Variants in KCNIP4 observed in about 807,000 individuals in gnomAD.
The protein encoded by KCNIP4 is potassium voltage-gated channel interacting protein 4.
In KCNIP4, 12 loss-of-function variants were observed where a neutral mutation model predicts 34.0. The ratio of observed to expected loss-of-function variants is 0.35; its 90% CI spans 0.23 to 0.57. The LOEUF is 0.57. KCNIP4 is among the 20% of genes least tolerant of loss of function. KCNIP4 has a pLI of 0.83. For synonymous variants in KCNIP4, 124 were observed against 102.2 expected (o/e 1.21, Z -1.29); for missense variants, 238 against 311.7 (o/e 0.76, Z 1.78).
At chr4:20,766,795 T>G (rs980099632) in intron 3 of KCNIP4, 2 of 152,180 alleles carry the variant, frequency 1.3e-5, no homozygotes, top group Non-Finnish European at 2.9e-5. Context: ...TTTTGTCAGG[T>G]ACTATTTAGA....
At chr4:20,937,792 C>G (rs1731234254) in intron 1 of KCNIP4, among the ~76,000 whole-genome samples, 1 of 152,158 alleles carries the variant, frequency 6.6e-6, no homozygotes, top group Non-Finnish European at 1.5e-5. Flanking sequence ...TTATTTACAG[C>G]CCAGCTATAA....
chr4:20,820,020 T>C (rs1159271657), intron 3 of KCNIP4, among the ~76,000 whole-genome samples: 3 of 152,240 alleles, frequency 2.0e-5, no homozygotes, highest in Non-Finnish European at 4.4e-5. Context: ...TTAACAAATA[T>C]ATAAAATTGT....
At chr4:21,412,925 CTG>C (rs1195545343) in intron 1 of KCNIP4, among the ~76,000 whole-genome samples, 2 of 152,156 alleles carry the variant, frequency 1.3e-5, no homozygotes, top group African/African-American at 2.4e-5. Context: ...TGTAGCTACT[CTG>C]TGTTTAGATA....
Position 21,155,954 on chromosome 4 carries a change from C to T in KCNIP4, c.62-273245G>A, listed in dbSNP as rs191036206. ...ACAGAACAATTCATGCTTCAACCCT[C>T]GAAAAATTGTCATTGGACACAACTT... is the stretch of plus-strand genomic sequence containing the variant. On this transcript the variant is annotated intron_variant, in intron 1 of 8. Coordinates refer to ENST00000382152, the MANE Select transcript of KCNIP4 (RefSeq NM_025221.6). Among the ~76,000 whole-genome samples the T allele has an allele frequency of 1.3e-3, 194 of 152,208 alleles. 1 individual carries two copies. Among genetic ancestry groups the T allele is most frequent in the Non-Finnish European group, 2.2e-3 (149 of 67,984 alleles).
chr4:21,831,939 A>G (rs1723013201), intron 1 of KCNIP4, among the ~76,000 whole-genome samples: 1 of 152,142 alleles, frequency 6.6e-6, no homozygotes, highest in Non-Finnish European at 1.5e-5. Context: ...ATGGCACATT[A>G]AAAAGATCAT....
At position 21,457,053 on chromosome 4, in the gene KCNIP4, A is replaced by T. The variant is rs554410590; in HGVS notation, c.61+491518T>A. ...TGCACATATCCTCTTCAGTTGTGGAAAAAAAACATATCCATTGTATCTGAC... is the reference window on the plus strand; with the variant it reads ...TGCACATATCCTCTTCAGTTGTGGATAAAAAACATATCCATTGTATCTGAC... On this transcript the variant is annotated intron_variant, in intron 1 of 8. Transcript: ENST00000382152. 2.6e-5 allele frequency among the ~76,000 whole-genome samples: 4 copies of T among 152,166 alleles called. No individual in the cohort carries two copies. In the South Asian group the frequency reaches 8.3e-4, roughly 32 times the overall value.
chr4:21,379,032 C>G (rs1467496810), intron 1 of KCNIP4, among the ~76,000 whole-genome samples: 1 of 152,156 alleles, frequency 6.6e-6, no homozygotes, highest in East Asian at 1.9e-4. Flanking sequence ...GAAATAGACA[C>G]ATATTATCTA....
At chr4:21,811,628 G>C (rs1721659064) in intron 1 of KCNIP4, among the ~76,000 whole-genome samples, 1 of 152,154 alleles carries the variant, frequency 6.6e-6, no homozygotes, top group Non-Finnish European at 1.5e-5. Flanking sequence ...ACTGGAGAAA[G>C]AAGAGATAAA....
chr4:21,466,336 T>A (rs1028441513), intron 1 of KCNIP4, among the ~76,000 whole-genome samples: 6 of 152,142 alleles, frequency 3.9e-5, no homozygotes, highest in African/African-American at 1.2e-4. Flanking sequence ...GACTCAACAC[T>A]CAATGCTGAC....
intron 1 of KCNIP4, among the ~76,000 whole-genome samples, chr4:21,516,237 C>T (rs566026240): frequency 3.9e-5 from 6 of 152,232 alleles, no homozygotes; most frequent in East Asian, 3.9e-4. Context: ...TGTTGTCCCA[C>T]GAATAATACT....
At chr4:21,025,551 T>TTTG (rs1560656446) in intron 1 of KCNIP4, among the ~76,000 whole-genome samples, 4 of 65,452 alleles carry the variant, frequency 6.1e-5, no homozygotes, top group Non-Finnish European at 9.2e-5. Context: ...CTGTTTTTTT[T>TTTG]TTTTTTTTTT....
chr4:21,028,596 CTCTT>C (rs1553929001), intron 1 of KCNIP4, among the ~76,000 whole-genome samples: 1 of 152,186 alleles, frequency 6.6e-6, no homozygotes, highest in Non-Finnish European at 1.5e-5. Context: ...CTCCCACACT[CTCTT>C]CCTTCCTTCC....
chr4:21,218,670 C>CAT (rs1480259162), intron 1 of KCNIP4, among the ~76,000 whole-genome samples: 5 of 152,160 alleles, frequency 3.3e-5, no homozygotes, highest in Non-Finnish European at 1.5e-5. Context: ...TGCAATTTCT[C>CAT]ATATACGTAC....
intron 1 of KCNIP4, among the ~76,000 whole-genome samples, chr4:21,005,888 C>A (rs1738511641): frequency 6.6e-6 from 1 of 152,176 alleles, no homozygotes; most frequent in South Asian, 2.1e-4. Flanking sequence ...AAAACATACT[C>A]TTTCCCCTGA....
chr4:21,923,769 T>A lies in KCNIP4; in HGVS notation c.61+24802A>T, dbSNP rs527256236. Among the ~76,000 whole-genome samples, 144 of 152,292 alleles carry A rather than the reference T, an allele frequency of 9.5e-4. 4 individuals are homozygous for A. Among genetic ancestry groups the A allele is most frequent in the Non-Finnish European group, 2.9e-4 (20 of 68,022 alleles). On this transcript the variant is annotated intron_variant, in intron 1 of 8. Transcript: ENST00000382152. ...GCCTCTGCTGGCTATTTGCAGCTTT[T>A]TACAAACCTCCTGGAATTGTTTAAA...
At chr4:21,218,269 C>T (rs1158050705) in intron 1 of KCNIP4, among the ~76,000 whole-genome samples, 1 of 152,042 alleles carries the variant, frequency 6.6e-6, no homozygotes, top group African/African-American at 2.4e-5. Flanking sequence ...CCCGCCTCGG[C>T]CTTCCAAAGT....
intron 1 of KCNIP4, among the ~76,000 whole-genome samples, chr4:21,074,623 G>A (rs541204451): frequency 2.9e-4 from 44 of 152,076 alleles, no homozygotes; most frequent in African/African-American, 1.0e-3. Context: ...AGGGTTTTTT[G>A]TGTCTCTGTC....
At chr4:21,913,345 T>C (rs1007604527) in intron 1 of KCNIP4, among the ~76,000 whole-genome samples, 1 of 147,162 alleles carries the variant, frequency 6.8e-6, no homozygotes, top group African/African-American at 2.5e-5. Context: ...ATTTGTATTT[T>C]GTTTTTTTTT....
intron 1 of KCNIP4, among the ~76,000 whole-genome samples, chr4:21,612,098 G>C (rs1744205221): frequency 6.6e-6 from 1 of 152,124 alleles, no homozygotes; most frequent in Non-Finnish European, 1.5e-5. Flanking sequence ...CTCAGAGTTA[G>C]AATTGAATGT....
Sources: allele counts gnomAD v4.1 joint callset (sites outside exome capture counted in the v4.1 genomes callset), GRCh38; gene constraint gnomAD v4.1.1; transcripts MANE v1.5; gene names NCBI Gene and HGNC (gene_info 2026-07-23, HGNC 2026-07-21).